The following GPC6 variants were observed in gnomAD, a reference collection of about 807,000 sequenced individuals.
The protein encoded by GPC6 is glypican-6.
In GPC6, 14 loss-of-function variants were observed where a neutral mutation model predicts 55.2. That is an observed-to-expected ratio of 0.25 (90% CI 0.17 to 0.40). The LOEUF (loss-of-function observed/expected upper bound fraction) is 0.40, where lower values mean the gene tolerates loss of function less well. GPC6 is among the 10% of genes least tolerant of loss of function. The pLI is 1.00. For synonymous variants in GPC6, 278 were observed against 259.6 expected (o/e 1.07, Z -0.68); for missense variants, 641 against 708.5 (o/e 0.90, Z 1.08).
chr13:93,227,124 T>G lies in GPC6; in HGVS notation c.-333T>G. The stretch of plus-strand genomic sequence containing the variant: ...AGGATTCTGCGGCTCGGAACTCGGA[T>G]TGCAGCTCTGAACCCCCATGGTGGT... On this transcript the variant is annotated 5_prime_UTR_variant, in exon 1 of 9. Transcript: ENST00000377047. This position sits in a 1 kb window ranked among gnomAD's most constrained non-coding sequence, Gnocchi z 4.3. 2.1e-5 allele frequency: 4 copies of G among 189,490 alleles called. No homozygotes were observed. The highest frequency in any genetic ancestry group is 2.2e-5 in the Non-Finnish European group (2 of 92,214). The allele number at this position is 189,490 out of a possible 1,614,324, so 11.7% of individuals were successfully genotyped here.
At chr13:93,805,597 G>A (rs1342762161) in intron 2 of GPC6, among the ~76,000 whole-genome samples, 3 of 152,090 alleles carry the variant, frequency 2.0e-5, no homozygotes, top group Non-Finnish European at 1.5e-5. Context: ...TATATGGCGT[G>A]CATTATATGT....
chr13:94,173,768 T>A (rs966061370), intron 4 of GPC6, among the ~76,000 whole-genome samples: 31 of 152,278 alleles, frequency 2.0e-4, no homozygotes, highest in Admixed American at 2.0e-3. Context: ...CATCTGAATA[T>A]CCTGCTTCTT....
At chr13:93,378,842 A>G (rs1875034097) in intron 1 of GPC6, among the ~76,000 whole-genome samples, 1 of 151,916 alleles carries the variant, frequency 6.6e-6, no homozygotes, top group African/African-American at 2.4e-5. Context: ...CAATAAATAC[A>G]ACAATTACCA....
At chr13:93,322,406 G>GTTAA (rs1879478938) in intron 1 of GPC6, among the ~76,000 whole-genome samples, 1 of 139,514 alleles carries the variant, frequency 7.2e-6, no homozygotes. Flanking sequence ...GAAAATCTAA[G>GTTAA]TTAATTCTTT....
At chr13:94,113,832 C>T (rs1886332892) in intron 4 of GPC6, among the ~76,000 whole-genome samples, 1 of 151,570 alleles carries the variant, frequency 6.6e-6, no homozygotes, top group Admixed American at 6.6e-5. Context: ...ACCAGCCTGG[C>T]CAACATTGTG....
intron 2 of GPC6, among the ~76,000 whole-genome samples, chr13:93,692,764 A>G (rs1215479841): frequency 6.6e-6 from 1 of 152,166 alleles, no homozygotes; most frequent in East Asian, 1.9e-4. Context: ...AAATATGTAT[A>G]GTCTGTTCAA....
At chr13:93,609,212 T>TTTGTTG (rs973910823) in intron 2 of GPC6, among the ~76,000 whole-genome samples, 2 of 152,026 alleles carry the variant, frequency 1.3e-5, no homozygotes, top group African/African-American at 4.8e-5. Context: ...CTAACCTGAC[T>TTTGTTG]TTGTTGTTGT....
At chr13:94,289,569 C>T (rs192462845) in intron 5 of GPC6, among the ~76,000 whole-genome samples, 8 of 152,266 alleles carry the variant, frequency 5.3e-5, no homozygotes, top group Admixed American at 3.3e-4. Context: ...TGTCACTCAC[C>T]GCCATACAAA....
chr13:93,912,024 A>G (rs1161397540), intron 3 of GPC6, among the ~76,000 whole-genome samples: 1 of 152,160 alleles, frequency 6.6e-6, no homozygotes, highest in Non-Finnish European at 1.5e-5. Context: ...CAGAGACTAG[A>G]ACTTAGCCTG....
intron 2 of GPC6, among the ~76,000 whole-genome samples, chr13:93,631,088 C>T (rs948280076): frequency 6.6e-6 from 1 of 152,104 alleles, no homozygotes; most frequent in Admixed American, 6.5e-5. Flanking sequence ...GACAGGGGTC[C>T]TTGCACATGG....
At chr13:93,947,088 G>C (rs957555170) in intron 3 of GPC6, among the ~76,000 whole-genome samples, 1 of 152,172 alleles carries the variant, frequency 6.6e-6, no homozygotes, top group Non-Finnish European at 1.5e-5. Flanking sequence ...TGGTTCTTCA[G>C]TGATTCTTAT....
At chr13:94,110,393 T>C (rs1886201967) in intron 4 of GPC6, among the ~76,000 whole-genome samples, 1 of 152,094 alleles carries the variant, frequency 6.6e-6, no homozygotes, top group South Asian at 2.1e-4. Flanking sequence ...TAGAAAAACC[T>C]ATCTGCCTAT....
intron 4 of GPC6, among the ~76,000 whole-genome samples, chr13:94,281,569 T>C (rs1457073137): frequency 6.6e-6 from 1 of 152,212 alleles, no homozygotes; most frequent in African/African-American, 2.4e-5. Context: ...CAAGTGTATG[T>C]ATAATCATAT....
chr13:94,108,842 C>CA (rs1270729096), intron 4 of GPC6, among the ~76,000 whole-genome samples: 100 of 91,896 alleles, frequency 1.1e-3, no homozygotes, highest in South Asian at 2.1e-3. Context: ...GACTCCGTCT[C>CA]AAAAAAAAAA....
intron 1 of GPC6, among the ~76,000 whole-genome samples, chr13:93,506,740 CT>C (rs1461028020): frequency 1.3e-5 from 2 of 151,794 alleles, no homozygotes; most frequent in Non-Finnish European, 2.9e-5. Flanking sequence ...AAGGAATGTA[CT>C]TTAAAAAGCC....
At chr13:93,768,581 C>G (rs1378460325) in intron 2 of GPC6, among the ~76,000 whole-genome samples, 1 of 152,074 alleles carries the variant, frequency 6.6e-6, no homozygotes, top group African/African-American at 2.4e-5. Flanking sequence ...TCTCTGTCCT[C>G]ATTTCAGTTT....
intron 2 of GPC6, among the ~76,000 whole-genome samples, chr13:93,592,893 A>G (rs1439617199): frequency 7.1e-6 from 1 of 140,910 alleles, no homozygotes; most frequent in African/African-American, 2.7e-5. Context: ...AGAATAATTA[A>G]AGTTTAAATT....
chr13:94,165,958 A>T (rs1329192676), intron 4 of GPC6, among the ~76,000 whole-genome samples: 1 of 152,186 alleles, frequency 6.6e-6, no homozygotes, highest in Non-Finnish European at 1.5e-5. Context: ...ATACATACAG[A>T]AGAGCTTTCA....
intron 4 of GPC6, among the ~76,000 whole-genome samples, chr13:94,093,617 T>C (rs9524329): frequency 0.14 from 21,232 of 152,116 alleles, 1,771 homozygotes; most frequent in East Asian, 0.33. Context: ...TTTAGGATTG[T>C]CTTTTCTATT....
Sources: gnomAD v4.1 joint callset for allele counts (sites outside exome capture counted in the v4.1 genomes callset) on GRCh38, gnomAD v4.1.1 for gene constraint, Gnocchi (gnomAD v3.1) non-coding constraint, MANE v1.5 for transcripts, NCBI Gene and HGNC (gene_info 2026-07-23, HGNC 2026-07-21) for gene names.